UNC13B: variants seen among roughly 807,000 people sequenced by gnomAD.
UNC13B encodes protein unc-13 homolog B.
Under a neutral mutation model 211.0 loss-of-function variants are expected in UNC13B, and 144 were observed. The observed-to-expected ratio is 0.68, with a 90% CI of 0.60 to 0.78. The LOEUF (loss-of-function observed/expected upper bound fraction) is 0.78, where lower values mean the gene tolerates loss of function less well. Among genes scored for constraint, UNC13B ranks in the 30% least tolerant of loss-of-function variants. The pLI, the probability that UNC13B is intolerant of heterozygous loss-of-function variation, is 0.00. For synonymous variants in UNC13B, 709 were observed against 725.8 expected, an observed-to-expected ratio of 0.98 and a Z score of 0.37; for missense variants, 1,777 against 2,002.0, an observed-to-expected ratio of 0.89 and a Z score of 2.14.
intron 1 of UNC13B, among the ~76,000 whole-genome samples, chr9:35,204,029 C>T (rs939807303): frequency 1.3e-5 from 2 of 152,256 alleles, no homozygotes; most frequent in Admixed American, 6.5e-5. Context: ...CCTTGCTGCA[C>T]TGCACAGCTC....
At chr9:35,247,338 C>G (rs1460029777) in intron 6 of UNC13B, among the ~76,000 whole-genome samples, 1 of 152,098 alleles carries the variant, frequency 6.6e-6, no homozygotes, top group Non-Finnish European at 1.5e-5. Context: ...AATTGAATAC[C>G]CTTTATTTCT....
intron 24 of UNC13B, among the ~76,000 whole-genome samples, chr9:35,389,352 G>A (rs951707020): frequency 2.0e-5 from 3 of 152,184 alleles, no homozygotes; most frequent in Non-Finnish European, 4.4e-5. Flanking sequence ...AGGCTGAAAT[G>A]CGCACCAGAT....
At chr9:35,278,437 A>G (rs551770709) in intron 7 of UNC13B, among the ~76,000 whole-genome samples, 2 of 152,298 alleles carry the variant, frequency 1.3e-5, no homozygotes, top group South Asian at 4.1e-4. Context: ...TTATTTACCC[A>G]GGACCACATG....
chr9:35,295,982 T>C (rs1564119029), intron 8 of UNC13B, 52 bp downstream of exon 8: 2 of 1,518,988 alleles, frequency 1.3e-6, no homozygotes, highest in Non-Finnish European at 1.8e-6. Flanking sequence ...GGTCTCATGA[T>C]GCAATTGGCA....
rs372983620 is a variant in UNC13B at position 35,400,359 on chromosome 9, C to T, written c.12400C>T (p.Gln4134Ter). ...CTTCCTGGAGAAGAGCCCAGATCTG[C>T]AGTCTCTACGCTATGCCCTGTCTCT... ...KTFLEKSPDL[Q>*]SLRYALSLYT... The change falls in exon 37 of 40, where the codon CAG (glutamine) becomes TAG (stop). Residue 4134 changes from glutamine to a stop codon, truncating the protein, a stop_gained. Coordinates refer to ENST00000635942, the MANE Select transcript of UNC13B (RefSeq NM_001371189.2). LOFTEE classifies it high-confidence loss of function. The T allele has an allele frequency of 6.2e-7, 1 of 1,614,150 alleles. No homozygotes were observed.
intron 1 of UNC13B, among the ~76,000 whole-genome samples, chr9:35,194,561 A>G (rs1822835937): frequency 6.6e-6 from 1 of 152,210 alleles, no homozygotes; most frequent in Non-Finnish European, 1.5e-5. Context: ...TTTTCTTCCC[A>G]GTAAATCTCA....
chr9:35,310,333 G>T, intron 9 of UNC13B, 134 bp from the exon 10 acceptor site: 1 of 896,368 alleles, frequency 1.1e-6, no homozygotes, highest in Non-Finnish European at 1.7e-6. Context: ...TATGAAGTTT[G>T]GTCCTCTCTT....
chr9:35,287,506 A>G (rs576950362), intron 7 of UNC13B, among the ~76,000 whole-genome samples: 28 of 152,118 alleles, frequency 1.8e-4, no homozygotes, highest in Admixed American at 5.2e-4. Flanking sequence ...TGGATTGTCA[A>G]TTGTTCCTCT....
intron 11 of UNC13B, among the ~76,000 whole-genome samples, chr9:35,338,937 A>G (rs1831822804): frequency 6.6e-6 from 1 of 152,096 alleles, no homozygotes; most frequent in Non-Finnish European, 1.5e-5. Flanking sequence ...CTCCTCCAGT[A>G]TTTCTGTGAC....
At position 35,300,911 on chromosome 9, in the gene UNC13B, C is replaced by A; in HGVS notation, c.1507C>A (p.Gln503Lys). 1 of 398,962 alleles carries A rather than the reference C, an allele frequency of 2.5e-6. No individual in the cohort carries two copies. The highest frequency in any genetic ancestry group is 4.4e-6 in the Non-Finnish European group (1 of 226,028). 24.7% of individuals were successfully genotyped at this position (398,962 alleles called of 1,614,324 possible). Reference protein sequence around the residue: ...HKQNSTLDAEQRTPGDQIPPL... With the variant: ...HKQNSTLDAEKRTPGDQIPPL... ...ACAAAATAGTACTCTTGATGCAGAA[C>A]AGAGAACGCCTGGGGATCAAATACC... is the stretch of plus-strand genomic sequence containing the variant. Residue 503 changes from glutamine to lysine, a missense_variant, in exon 9 of 40, where the codon CAG (glutamine) becomes AAG (lysine). Transcript: ENST00000635942.
At chr9:35,231,643 A>C (rs555999573) in intron 3 of UNC13B, among the ~76,000 whole-genome samples, 150 of 152,282 alleles carry the variant, frequency 9.9e-4, no homozygotes, top group African/African-American at 3.5e-3. Context: ...CTGTATCTTC[A>C]TGTGTACCTC....
intron 1 of UNC13B, among the ~76,000 whole-genome samples, chr9:35,190,786 T>C (rs2131340073): frequency 6.6e-6 from 1 of 152,314 alleles, no homozygotes; most frequent in East Asian, 1.9e-4. Flanking sequence ...ATATCCACTT[T>C]TAATTAAGCT....
chr9:35,389,557 A>G (rs1165690594), intron 24 of UNC13B, among the ~76,000 whole-genome samples: 1 of 152,170 alleles, frequency 6.6e-6, no homozygotes, highest in Non-Finnish European at 1.5e-5. Flanking sequence ...TACTCTGCCC[A>G]TAGCAACTGA....
chr9:35,208,782 G>A (rs1823805732), intron 1 of UNC13B, among the ~76,000 whole-genome samples: 2 of 152,100 alleles, frequency 1.3e-5, no homozygotes, highest in South Asian at 4.1e-4. Context: ...CTCCAACACT[G>A]GGGATTGCAA....
At chr9:35,227,990 T>C in intron 1 of UNC13B, 25 bp from the exon 2 acceptor site, 3 of 1,609,194 alleles carry the variant, frequency 1.9e-6, no homozygotes, top group Non-Finnish European at 2.5e-6. Flanking sequence ...ACATTCTTCA[T>C]GGTATCCTCT....
At chr9:35,313,302 C>A (rs538021248) in intron 10 of UNC13B, among the ~76,000 whole-genome samples, 7 of 152,182 alleles carry the variant, frequency 4.6e-5, no homozygotes, top group Non-Finnish European at 8.8e-5. Flanking sequence ...CAGTACTATG[C>A]TGCTCATTGG....
chr9:35,239,308 C>T (rs761365247), intron 5 of UNC13B, among the ~76,000 whole-genome samples: 11 of 151,954 alleles, frequency 7.2e-5, no homozygotes, highest in Non-Finnish European at 1.2e-4. Context: ...AGCTGGGTGT[C>T]CAGGGGAGAC....
chr9:35,241,557 G>GCA (rs3067420), intron 5 of UNC13B, among the ~76,000 whole-genome samples: 1,661 of 145,034 alleles, frequency 0.011, 20 homozygotes, highest in East Asian at 0.028. Flanking sequence ...CTGAATATAA[G>GCA]CACACACACA....
At chr9:35,203,365 C>G (rs1363317136) in intron 1 of UNC13B, among the ~76,000 whole-genome samples, 1 of 152,216 alleles carries the variant, frequency 6.6e-6, no homozygotes, top group Non-Finnish European at 1.5e-5. Flanking sequence ...GTGACAAAAT[C>G]TCTCAGCATT....
Sources: allele counts gnomAD v4.1 joint callset (sites outside exome capture counted in the v4.1 genomes callset), GRCh38; gene constraint gnomAD v4.1.1; transcripts MANE v1.5; gene names NCBI Gene and HGNC (gene_info 2026-07-23, HGNC 2026-07-21).